Variants in NFIA observed in about 807,000 individuals in gnomAD.
NFIA encodes nuclear factor I A.
In NFIA, 8 loss-of-function variants were observed where a neutral mutation model predicts 62.8. The observed-to-expected ratio is 0.13, with a 90% CI of 0.07 to 0.23. The LOEUF is 0.23. Among genes scored for constraint, NFIA ranks in the 10% least tolerant of loss-of-function variants. NFIA has a pLI of 1.00. For synonymous variants in NFIA, 235 were observed against 238.1 expected (o/e 0.99, Z 0.12); for missense variants, 410 against 642.1 (o/e 0.64, Z 3.91).
chr1:61,352,657 G>C (rs755933931), intron 5 of NFIA, 90 bp downstream of exon 5: 11 of 1,003,898 alleles, frequency 1.1e-5, no homozygotes, highest in Non-Finnish European at 1.7e-5. Context: ...TTAGCAATGC[G>C]CCTTTAGTAA....
At chr1:61,207,494 A>G (rs1652975470) in intron 2 of NFIA, among the ~76,000 whole-genome samples, 1 of 152,148 alleles carries the variant, frequency 6.6e-6, no homozygotes, top group Admixed American at 6.6e-5. Context: ...CAGCTCCCCC[A>G]GTGTGGTAGC....
intron 2 of NFIA, among the ~76,000 whole-genome samples, chr1:61,214,772 G>T (rs1455458339): frequency 6.6e-6 from 1 of 152,190 alleles, no homozygotes; most frequent in African/African-American, 2.4e-5. Context: ...CATTATAGGA[G>T]AATTGAAGAT....
At chr1:61,305,608 A>G (rs1037522829) in intron 3 of NFIA, among the ~76,000 whole-genome samples, 1 of 152,166 alleles carries the variant, frequency 6.6e-6, no homozygotes, top group Non-Finnish European at 1.5e-5. Flanking sequence ...CCCCCATGTA[A>G]GCATTTGAGG....
intron 6 of NFIA, among the ~76,000 whole-genome samples, chr1:61,363,049 C>G (rs988658170): frequency 2.0e-5 from 3 of 152,114 alleles, no homozygotes; most frequent in Admixed American, 2.0e-4. Context: ...TACTGTGTAC[C>G]AGGTTTTTAA....
chr1:61,268,538 T>G (rs751409315), intron 2 of NFIA, among the ~76,000 whole-genome samples: 3 of 152,102 alleles, frequency 2.0e-5, no homozygotes, highest in African/African-American at 2.4e-5. Context: ...TCTGAGGGTC[T>G]TCTTCTTGAG....
intron 3 of NFIA, among the ~76,000 whole-genome samples, chr1:61,319,836 C>CACACACACACACACACA (rs1660580765): frequency 4.3e-5 from 6 of 139,092 alleles, no homozygotes; most frequent in African/African-American, 1.0e-4. Context: ...CACACACACA[C>CACACACACACACACACA]CAACTTTCAT....
chr1:61,186,288 C>CTCAGTATCTCA (rs112297509), intron 2 of NFIA, among the ~76,000 whole-genome samples: 23,516 of 152,058 alleles, frequency 0.15, 2,857 homozygotes, highest in African/African-American at 0.32. Flanking sequence ...CACTCAGAAC[C>CTCAGTATCTCA]TCTGTAAAAG....
intron 6 of NFIA, among the ~76,000 whole-genome samples, chr1:61,371,941 A>G (rs749968178): frequency 1.5e-4 from 23 of 152,152 alleles, no homozygotes; most frequent in Non-Finnish European, 1.9e-4. Context: ...TTGCATGAGT[A>G]GAAGAAGCCG....
chr1:61,132,524 G>A (rs1647099142), intron 2 of NFIA, among the ~76,000 whole-genome samples: 1 of 152,202 alleles, frequency 6.6e-6, no homozygotes, highest in Admixed American at 6.5e-5. Flanking sequence ...TAACTTGGGA[G>A]CAGTTGAAAT....
intron 7 of NFIA, 137 bp downstream of exon 7, chr1:61,383,502 A>G (rs896182952): frequency 1.7e-6 from 2 of 1,152,224 alleles, no homozygotes; most frequent in African/African-American, 1.6e-5. Context: ...CCTTGGGGGC[A>G]GCCTTGGAAT....
At chr1:61,359,509 C>T (rs1663167637) in intron 6 of NFIA, among the ~76,000 whole-genome samples, 1 of 152,150 alleles carries the variant, frequency 6.6e-6, no homozygotes, top group African/African-American at 2.4e-5. Context: ...ATTTTCTGCT[C>T]TTACATATTT....
At chr1:61,429,224 T>C (rs955372283) in intron 10 of NFIA, among the ~76,000 whole-genome samples, 4 of 152,208 alleles carry the variant, frequency 2.6e-5, no homozygotes, top group Non-Finnish European at 4.4e-5. Context: ...CTACTGGGCA[T>C]TTTCTATGTA....
chr1:61,229,750 G>T (rs193020594), intron 2 of NFIA, among the ~76,000 whole-genome samples: 1 of 152,224 alleles, frequency 6.6e-6, no homozygotes, highest in Non-Finnish European at 1.5e-5. Context: ...TGGGATACAG[G>T]TGTGAAAACC....
intron 2 of NFIA, among the ~76,000 whole-genome samples, chr1:61,153,391 G>A (rs1648563044): frequency 6.8e-6 from 1 of 146,098 alleles, no homozygotes; most frequent in Non-Finnish European, 1.5e-5. Flanking sequence ...AGCCGTTGAT[G>A]CCTTTGACTG....
chr1:61,420,501 G>A (rs1380829184), intron 9 of NFIA, among the ~76,000 whole-genome samples: 2 of 151,754 alleles, frequency 1.3e-5, no homozygotes, highest in Admixed American at 1.3e-4. Flanking sequence ...TTCCTTTACT[G>A]CCAGGAGTCA....
At chr1:61,391,620 C>T (rs1466656779) in intron 7 of NFIA, among the ~76,000 whole-genome samples, 1 of 152,058 alleles carries the variant, frequency 6.6e-6, no homozygotes, top group Non-Finnish European at 1.5e-5. Context: ...TTATTTGGTC[C>T]CCTATTTGTA....
chr1:61,190,667 A>C (rs1259251556), intron 2 of NFIA, among the ~76,000 whole-genome samples: 3 of 151,912 alleles, frequency 2.0e-5, no homozygotes, highest in Admixed American at 6.5e-5. Flanking sequence ...CAAACAAACA[A>C]ATTTTATGAC....
At chr1:61,429,820 C>T (rs1317318440) in intron 10 of NFIA, among the ~76,000 whole-genome samples, 1 of 152,126 alleles carries the variant, frequency 6.6e-6, no homozygotes, top group Non-Finnish European at 1.5e-5. Context: ...CCAGTCACAA[C>T]AAAATAAATA....
rs1658104265 is a variant in NFIA at position 61,281,147 on chromosome 1, C to G, written c.625+3562C>G. Among the ~76,000 whole-genome samples the G allele has an allele frequency of 4.6e-5, 7 of 151,382 alleles. 1 individual carries two copies. In the South Asian group the frequency reaches 1.5e-3, roughly 32 times the overall value. ...ACCACTACTCGGGAGGCTGAGGCAG[C>G]AGACTATCTTGAATCCGGGCAGCAG... is the stretch of plus-strand genomic sequence containing the variant. On this transcript the variant is annotated intron_variant, in intron 3 of 10. Coordinates refer to ENST00000403491, the MANE Select transcript of NFIA (RefSeq NM_001134673.4).
Sources: allele counts gnomAD v4.1 joint callset (sites outside exome capture counted in the v4.1 genomes callset), GRCh38; gene constraint gnomAD v4.1.1; transcripts MANE v1.5; gene names NCBI Gene and HGNC (gene_info 2026-07-23, HGNC 2026-07-21).